Variants in PDLIM5 observed in about 807,000 individuals in gnomAD.
PDLIM5 encodes the protein PDZ and LIM domain 5.
A neutral mutation model predicts 64.2 loss-of-function variants in PDLIM5; 34 were observed. The observed-to-expected ratio is 0.53, with a 90% CI of 0.40 to 0.71. PDLIM5 has a LOEUF of 0.71. Ranked by LOEUF, PDLIM5 falls within the 30% of genes least tolerant of loss-of-function variation. The probability of loss-of-function intolerance (pLI) is 0.00; values close to 1 mark genes in which losing one functional copy is unlikely to be tolerated. For missense variants in PDLIM5, 683 were observed against 733.6 expected, an observed-to-expected ratio of 0.93 and a Z score of 0.80; for synonymous variants, 253 against 269.1, an observed-to-expected ratio of 0.94 and a Z score of 0.59.
chr4:94,605,325 G>T (rs140745101), intron 7 of PDLIM5, among the ~76,000 whole-genome samples: 2 of 152,192 alleles, frequency 1.3e-5, no homozygotes, highest in Non-Finnish European at 2.9e-5. Context: ...GTTCACAAGG[G>T]TCCGTAATGA....
chr4:94,455,664 A>T (rs1226516823), intron 2 of PDLIM5: 2 of 863,664 alleles, frequency 2.3e-6, no homozygotes, highest in Middle Eastern at 3.3e-4. Flanking sequence ...AACTGTCCCT[A>T]ATTTGGGGAA....
chr4:94,561,044 A>G (rs1423460757), intron 3 of PDLIM5, among the ~76,000 whole-genome samples: 2 of 152,092 alleles, frequency 1.3e-5, no homozygotes, highest in Non-Finnish European at 2.9e-5. Flanking sequence ...ATGATTTTTA[A>G]AAAATGTACC....
chr4:94,485,609 G>A (rs558667964), intron 2 of PDLIM5, among the ~76,000 whole-genome samples: 30 of 151,988 alleles, frequency 2.0e-4, no homozygotes, highest in Middle Eastern at 6.8e-3. Flanking sequence ...CAAGGCAGGC[G>A]GATCACAAGG....
intron 3 of PDLIM5, among the ~76,000 whole-genome samples, chr4:94,545,768 G>T (rs573915441): frequency 2.8e-4 from 42 of 152,202 alleles, no homozygotes; most frequent in African/African-American, 1.0e-3. Context: ...TTATTGTTGT[G>T]TGCATTTCAC....
intron 7 of PDLIM5, among the ~76,000 whole-genome samples, chr4:94,594,271 T>G (rs1736890324): frequency 2.0e-5 from 3 of 152,166 alleles, no homozygotes; most frequent in African/African-American, 4.8e-5. Context: ...TGAACATTTG[T>G]TTTTTAATGT....
At chr4:94,625,611 C>T (rs569468376) in intron 8 of PDLIM5, among the ~76,000 whole-genome samples, 3 of 152,034 alleles carry the variant, frequency 2.0e-5, no homozygotes, top group African/African-American at 7.2e-5. Context: ...CGCCACCATG[C>T]CCGGCTAATG....
chr4:94,555,738 A>G (rs1015442714), intron 3 of PDLIM5, among the ~76,000 whole-genome samples: 4 of 151,950 alleles, frequency 2.6e-5, no homozygotes, highest in Non-Finnish European at 5.9e-5. Flanking sequence ...TATTTTACTA[A>G]CTACAAGGTA....
At chr4:94,613,870 A>G in intron 7 of PDLIM5, among the ~76,000 whole-genome samples, 1 of 152,266 alleles carries the variant, frequency 6.6e-6, no homozygotes, top group South Asian at 2.1e-4. Context: ...ATACTATATT[A>G]ATACATTAAT....
intron 8 of PDLIM5, 98 bp from the exon 9 acceptor site, chr4:94,640,178 A>G (rs904480978): frequency 4.7e-5 from 28 of 592,484 alleles, no homozygotes; most frequent in Non-Finnish European, 7.3e-5. Context: ...TAACAAGTGA[A>G]TAGATTACTG....
chr4:94,596,083 G>T (rs1737046642), intron 7 of PDLIM5, among the ~76,000 whole-genome samples: 1 of 152,110 alleles, frequency 6.6e-6, no homozygotes, highest in Non-Finnish European at 1.5e-5. Flanking sequence ...CAATGTAAAG[G>T]TCGCCATCTG....
chr4:94,561,091 G>A lies in PDLIM5; in HGVS notation c.249-12260G>A, dbSNP rs921294470. Among the ~76,000 whole-genome samples the A allele has an allele frequency of 6.6e-5, 10 of 152,040 alleles. No homozygotes were observed. The East Asian group carries it at 7.7e-4, about 12-fold the overall frequency. ...TGTCTTTGAAGTCAGTATTAGTGTC[G>A]GGTTTATTTGGCAGTCTGTTCTGAG... On this transcript the variant is annotated intron_variant, in intron 3 of 12. Coordinates refer to ENST00000317968, the MANE Select transcript of PDLIM5 (RefSeq NM_006457.5).
intron 5 of PDLIM5, chr4:94,579,517 G>A: frequency 7.3e-7 from 1 of 1,363,068 alleles, no homozygotes. Context: ...TTTTCTCTTT[G>A]CAGAAAACAC....
intron 2 of PDLIM5, among the ~76,000 whole-genome samples, chr4:94,467,649 GT>G (rs1001081912): frequency 1.3e-5 from 2 of 152,052 alleles, no homozygotes; most frequent in Non-Finnish European, 2.9e-5. Context: ...GGTTTTCCTT[GT>G]TTTCAATCCT....
intron 9 of PDLIM5, among the ~76,000 whole-genome samples, chr4:94,648,213 G>A (rs1337591230): frequency 6.6e-6 from 1 of 151,846 alleles, no homozygotes; most frequent in South Asian, 2.1e-4. Context: ...GAAACCACAA[G>A]TTGGTTCCTT....
intron 2 of PDLIM5, among the ~76,000 whole-genome samples, chr4:94,480,276 AAACTTACCATTAAGG>A (rs2126105301): frequency 6.6e-6 from 1 of 152,372 alleles, no homozygotes; most frequent in South Asian, 2.1e-4. Context: ...TCTTCTATTG[AAACTTACCATTAAGG>A]TCTTGATTTG....
chr4:94,605,715 G>T (rs900943255), intron 7 of PDLIM5, among the ~76,000 whole-genome samples: 1 of 152,108 alleles, frequency 6.6e-6, no homozygotes, highest in Non-Finnish European at 1.5e-5. Flanking sequence ...TCCCAAGTGC[G>T]TTTGCTTGGA....
chr4:94,536,589 T>C (rs1731340101), intron 3 of PDLIM5, among the ~76,000 whole-genome samples: 1 of 152,200 alleles, frequency 6.6e-6, no homozygotes, highest in South Asian at 2.1e-4. Flanking sequence ...TCATAGAAGA[T>C]ACCAAATATA....
At chr4:94,647,741 G>A (rs759860431) in intron 9 of PDLIM5, among the ~76,000 whole-genome samples, 12 of 152,210 alleles carry the variant, frequency 7.9e-5, no homozygotes, top group Admixed American at 1.3e-4. Flanking sequence ...AACATTCTCC[G>A]GGATAGACCA....
intron 2 of PDLIM5, among the ~76,000 whole-genome samples, chr4:94,470,016 G>A (rs1038769869): frequency 3.7e-5 from 5 of 133,340 alleles, no homozygotes; most frequent in African/African-American, 1.4e-4. Flanking sequence ...GCCCAGGCTG[G>A]AGTGCAGTGG....
Sources: gnomAD v4.1 joint callset for allele counts (sites outside exome capture counted in the v4.1 genomes callset) on GRCh38, gnomAD v4.1.1 for gene constraint, MANE v1.5 for transcripts, NCBI Gene and HGNC (gene_info 2026-07-23, HGNC 2026-07-21) for gene names.